SPECC1: variants seen among roughly 807,000 people sequenced by gnomAD.
SPECC1 encodes cytospin-B.
SPECC1 carries 62 observed loss-of-function variants against 104.1 expected under a neutral mutation model. The ratio of observed to expected loss-of-function variants is 0.60; its 90% CI spans 0.49 to 0.74. The LOEUF is 0.74. SPECC1 is among the 30% of genes least tolerant of loss of function. The probability of loss-of-function intolerance (pLI) is 0.00; values close to 1 mark genes in which losing one functional copy is unlikely to be tolerated. For synonymous variants in SPECC1, 513 were observed against 501.6 expected, an observed-to-expected ratio of 1.02 and a Z score of -0.30; for missense variants, 1,306 against 1,310.5, an observed-to-expected ratio of 1.00 and a Z score of 0.05.
intron 3 of SPECC1, among the ~76,000 whole-genome samples, chr17:20,154,079 T>C (rs1358300578): frequency 6.6e-6 from 1 of 152,252 alleles, no homozygotes; most frequent in Non-Finnish European, 1.5e-5. Context: ...ATACTACCAC[T>C]AAAAAGAAGT....
intron 4 of SPECC1, among the ~76,000 whole-genome samples, chr17:20,218,652 G>T (rs1016822021): frequency 3.4e-5 from 5 of 147,884 alleles, no homozygotes; most frequent in Admixed American, 6.8e-5. Context: ...ATTTTTAATT[G>T]TTATGGGTAC....
At chr17:20,100,697 T>G (rs963510881) in intron 2 of SPECC1, among the ~76,000 whole-genome samples, 14 of 152,234 alleles carry the variant, frequency 9.2e-5, no homozygotes, top group Non-Finnish European at 2.9e-5. Flanking sequence ...GTGCAGAACA[T>G]GCAGGTTTGT....
At chr17:20,243,833 CT>C (rs1217557078) in intron 7 of SPECC1, among the ~76,000 whole-genome samples, 1 of 152,110 alleles carries the variant, frequency 6.6e-6, no homozygotes, top group Non-Finnish European at 1.5e-5. Flanking sequence ...CCATTTTGTT[CT>C]TATTAAATTA....
intron 3 of SPECC1, among the ~76,000 whole-genome samples, chr17:20,127,289 G>A (rs2049358825): frequency 6.6e-6 from 1 of 152,096 alleles, no homozygotes; most frequent in South Asian, 2.1e-4. Context: ...ATCCTCAGCT[G>A]CTCCCCCTTT....
At chr17:20,040,806 G>A (rs2045293749) in intron 1 of SPECC1, among the ~76,000 whole-genome samples, 1 of 152,086 alleles carries the variant, frequency 6.6e-6, no homozygotes, top group Admixed American at 6.5e-5. Flanking sequence ...GGATTTTATT[G>A]GGCTTTTTAT....
At chr17:20,146,742 T>C (rs887756205) in intron 3 of SPECC1, among the ~76,000 whole-genome samples, 2 of 152,002 alleles carry the variant, frequency 1.3e-5, no homozygotes, top group African/African-American at 2.4e-5. Context: ...CTGTCTCTAC[T>C]AAAAATACAA....
intron 1 of SPECC1, among the ~76,000 whole-genome samples, chr17:20,069,031 CAG>C (rs1453167751): frequency 2.0e-5 from 3 of 152,150 alleles, no homozygotes; most frequent in African/African-American, 7.2e-5. Flanking sequence ...ACTCATGTCA[CAG>C]GGGTTTGTTA....
At chr17:20,129,322 A>T (rs1567864086) in intron 3 of SPECC1, among the ~76,000 whole-genome samples, 1 of 151,118 alleles carries the variant, frequency 6.6e-6, no homozygotes, top group Non-Finnish European at 1.5e-5. Context: ...GTAGCTGGGG[A>T]CTACAGGCGC....
In SPECC1 at chr17:20,314,372, A is replaced by G; in HGVS notation, c.*307A>G. ...CACCCAGGCTTGTTTTGCTGATTAT[A>G]TTGGGTGGCTGAACGAACACATTAT... On this transcript the variant is annotated 3_prime_UTR_variant, in exon 15 of 15. Transcript: ENST00000395527. 1 of 374,882 alleles carries G rather than the reference A, an allele frequency of 2.7e-6. No individual in the cohort carries two copies. Among genetic ancestry groups the G allele is most frequent in the Non-Finnish European group, 5.0e-6 (1 of 199,898 alleles). The allele number at this position is 374,882 out of a possible 1,614,324, so 23.2% of individuals were successfully genotyped here.
chr17:20,210,264 T>C (rs1289606453), intron 4 of SPECC1, among the ~76,000 whole-genome samples: 1 of 152,204 alleles, frequency 6.6e-6, no homozygotes, highest in Non-Finnish European at 1.5e-5. Flanking sequence ...TGTATTGATA[T>C]ATGAGAAACT....
intron 14 of SPECC1, among the ~76,000 whole-genome samples, chr17:20,311,926 C>T (rs890039985): frequency 2.5e-4 from 38 of 152,130 alleles, no homozygotes; most frequent in African/African-American, 9.2e-4. Flanking sequence ...TATGGTTTTT[C>T]TTGTTCAGTT....
At chr17:20,211,487 G>A (rs2037145969) in intron 4 of SPECC1, among the ~76,000 whole-genome samples, 1 of 152,260 alleles carries the variant, frequency 6.6e-6, no homozygotes, top group South Asian at 2.1e-4. Flanking sequence ...GGGGAAAATT[G>A]CCACAGGCCT....
chr17:20,104,823 C>G (rs1397616510), intron 2 of SPECC1, among the ~76,000 whole-genome samples: 1 of 151,194 alleles, frequency 6.6e-6, no homozygotes, highest in Non-Finnish European at 1.5e-5. Flanking sequence ...CCAAACCTTT[C>G]CAGGGCTCCA....
intron 10 of SPECC1, among the ~76,000 whole-genome samples, chr17:20,256,386 C>T (rs2039831678): frequency 6.6e-6 from 1 of 152,140 alleles, no homozygotes; most frequent in African/African-American, 2.4e-5. Context: ...CTTGTCAACA[C>T]TGAGGTCATT....
intron 12 of SPECC1, among the ~76,000 whole-genome samples, chr17:20,292,228 C>T (rs1307036422): frequency 1.3e-5 from 2 of 152,008 alleles, no homozygotes; most frequent in African/African-American, 4.8e-5. Flanking sequence ...TAGAGGCCCT[C>T]CTTGTTTTCA....
In SPECC1 at chr17:20,150,637, C is replaced by CA. The variant is rs576739649; in HGVS notation, c.283+40089dup. On this transcript the variant is annotated intron_variant, in intron 3 of 14. Coordinates refer to ENST00000395527, the MANE Select transcript of SPECC1 (RefSeq NM_001243439.2). ...CTGGGCAACGAGTGAAACTCTGTCT[C>CA]AAAAAAAAAAAAAAGTGCTGGGATT... is the stretch of plus-strand genomic sequence containing the variant. 3.4e-3 allele frequency among the ~76,000 whole-genome samples: 445 copies of CA among 129,898 alleles called. 1 individual carries two copies. Among genetic ancestry groups the CA allele is most frequent in the African/African-American group, 7.4e-3 (259 of 35,214 alleles). The allele number at this position is 129,898 out of a possible 152,430, so 85.2% of individuals were successfully genotyped here. A position where few individuals can be genotyped will look rare whatever the true frequency, so the allele number is the denominator to read the frequency against.
rs1597633415 is a variant in SPECC1, at chr17:20,061,870, A to G, written c.-21-34761A>G. ...TATATATTATTTTCTCCTGTATCAT[A>G]TCCAGTTTACACTTTGCTACTTACT... On this transcript the variant is annotated intron_variant, in intron 1 of 14. Transcript: ENST00000395527. 2.0e-5 allele frequency among the ~76,000 whole-genome samples: 3 copies of G among 152,196 alleles called. No homozygotes were observed. The East Asian group carries it at 5.8e-4, about 29-fold the overall frequency.
intron 4 of SPECC1, among the ~76,000 whole-genome samples, chr17:20,208,535 CAGG>C (rs1039860702): frequency 1.1e-4 from 17 of 152,254 alleles, no homozygotes; most frequent in African/African-American, 3.6e-4. Context: ...CAAAGGATAA[CAGG>C]AGAAGTTTTA....
intron 3 of SPECC1, among the ~76,000 whole-genome samples, chr17:20,174,434 A>G (rs1025508971): frequency 1.3e-5 from 2 of 152,074 alleles, no homozygotes; most frequent in African/African-American, 4.8e-5. Flanking sequence ...TGCAGAGTTT[A>G]TGGGGGTTGC....
Sources: gnomAD v4.1 joint callset for allele counts (sites outside exome capture counted in the v4.1 genomes callset) on GRCh38, gnomAD v4.1.1 for gene constraint, MANE v1.5 for transcripts, NCBI Gene and HGNC (gene_info 2026-07-23, HGNC 2026-07-21) for gene names.